Variants in EFCAB6 observed in about 807,000 individuals in gnomAD.
The protein encoded by EFCAB6 is EF-hand calcium-binding domain-containing protein 6.
In EFCAB6, 156 loss-of-function variants were observed where a neutral mutation model predicts 169.8. That is an observed-to-expected ratio of 0.92 (90% CI 0.81 to 1.05). The LOEUF (loss-of-function observed/expected upper bound fraction) is 1.05, where lower values mean the gene tolerates loss of function less well. Ranked by LOEUF, EFCAB6 falls within the 50% of genes least tolerant of loss-of-function variation. EFCAB6 has a pLI of 0.00. For synonymous variants in EFCAB6, 698 were observed against 676.4 expected, an observed-to-expected ratio of 1.03 and a Z score of -0.50; for missense variants, 1,800 against 1,829.1, an observed-to-expected ratio of 0.98 and a Z score of 0.29.
At chr22:43,562,914 T>C (rs2049160534) in intron 26 of EFCAB6, among the ~76,000 whole-genome samples, 1 of 152,132 alleles carries the variant, frequency 6.6e-6, no homozygotes, top group South Asian at 2.1e-4. Context: ...CATGGCCTGC[T>C]GTCTCTATTA....
intron 17 of EFCAB6, among the ~76,000 whole-genome samples, chr22:43,651,856 A>G (rs987303563): frequency 6.6e-6 from 1 of 152,202 alleles, no homozygotes; most frequent in Non-Finnish European, 1.5e-5. Context: ...TGGGGCCTGT[A>G]GCCCATTTGT....
intron 11 of EFCAB6, among the ~76,000 whole-genome samples, chr22:43,684,195 GC>G (rs1247620558): frequency 6.6e-6 from 1 of 152,096 alleles, no homozygotes; most frequent in Non-Finnish European, 1.5e-5. Context: ...GAAGCTGGGA[GC>G]CCCCCCTCCT....
intron 15 of EFCAB6, 54 bp downstream of exon 15, chr22:43,671,919 G>T (rs2057508561): frequency 6.3e-7 from 1 of 1,589,190 alleles, no homozygotes; most frequent in Non-Finnish European, 8.6e-7. Flanking sequence ...TAGAATTATG[G>T]AACAGGCCTG....
intron 8 of EFCAB6, among the ~76,000 whole-genome samples, chr22:43,719,627 A>G (rs1357347161): frequency 1.3e-5 from 2 of 152,240 alleles, no homozygotes; most frequent in African/African-American, 4.8e-5. Flanking sequence ...TTGTTCTTAT[A>G]TAACATATTT....
At chr22:43,682,560 C>T (rs112154560) in intron 12 of EFCAB6, among the ~76,000 whole-genome samples, 250 of 152,282 alleles carry the variant, frequency 1.6e-3, no homozygotes, top group Non-Finnish European at 2.0e-3. Context: ...GCGGCTCAGC[C>T]AGCAGGGTCC....
chr22:43,698,427 C>T (rs941886389), intron 10 of EFCAB6, among the ~76,000 whole-genome samples: 5 of 152,130 alleles, frequency 3.3e-5, no homozygotes, highest in East Asian at 1.9e-4. Context: ...TGTGGAGCCC[C>T]GGGATGCTGT....
At chr22:43,706,861 C>T (rs1195824181) in intron 10 of EFCAB6, among the ~76,000 whole-genome samples, 1 of 152,182 alleles carries the variant, frequency 6.6e-6, no homozygotes, top group Non-Finnish European at 1.5e-5. Flanking sequence ...AGGCCTTTGG[C>T]AACACTGGAC....
At position 43,600,956 on chromosome 22, in the gene EFCAB6, C is replaced by A. The variant is rs532073847; in HGVS notation, c.2682-693G>T. 1.2e-4 allele frequency among the ~76,000 whole-genome samples: 18 copies of A among 152,348 alleles called. 1 individual carries two copies. In the South Asian group the frequency reaches 3.7e-3, roughly 32 times the overall value. On this transcript the variant is annotated intron_variant, in intron 22 of 31. Coordinates refer to ENST00000262726, the MANE Select transcript of EFCAB6 (RefSeq NM_022785.4). ...GGGATTACAGGCGTGAGCTGCCACA[C>A]CTCGCCCGTTCGGCAGTTTTTTAAA...
At chr22:43,611,152 T>C (rs1411361472) in intron 21 of EFCAB6, among the ~76,000 whole-genome samples, 1 of 152,230 alleles carries the variant, frequency 6.6e-6, no homozygotes, top group Admixed American at 6.5e-5. Context: ...GATAATGTCA[T>C]TGATAGTTCA....
At chr22:43,717,176 C>T (rs1008049050) in intron 8 of EFCAB6, among the ~76,000 whole-genome samples, 2 of 152,084 alleles carry the variant, frequency 1.3e-5, no homozygotes, top group Non-Finnish European at 2.9e-5. Context: ...CACTATCTTA[C>T]TCTAGGATAA....
intron 30 of EFCAB6, among the ~76,000 whole-genome samples, chr22:43,531,699 G>C (rs905775082): frequency 6.6e-6 from 1 of 152,046 alleles, no homozygotes; most frequent in African/African-American, 2.4e-5. Flanking sequence ...CATTTGGCAC[G>C]TATGATGTGT....
intron 26 of EFCAB6, among the ~76,000 whole-genome samples, chr22:43,574,241 G>A (rs1157863520): frequency 2.6e-5 from 4 of 151,422 alleles, no homozygotes; most frequent in Non-Finnish European, 5.9e-5. Context: ...ACAATTTAAC[G>A]TTAAGTGAAA....
At chr22:43,620,305 A>G (rs1167982248) in intron 20 of EFCAB6, among the ~76,000 whole-genome samples, 1 of 152,024 alleles carries the variant, frequency 6.6e-6, no homozygotes, top group Non-Finnish European at 1.5e-5. Context: ...TGAGAGAGCT[A>G]GTTAAAAAAA....
chr22:43,736,284 T>G (rs1221069607), intron 6 of EFCAB6, among the ~76,000 whole-genome samples: 2 of 152,194 alleles, frequency 1.3e-5, no homozygotes, highest in South Asian at 2.1e-4. Context: ...TAGGGCCATA[T>G]GAAAAAATCT....
chr22:43,664,752 AGAGCT>A (rs1356705651), intron 17 of EFCAB6, among the ~76,000 whole-genome samples: 1 of 152,194 alleles, frequency 6.6e-6, no homozygotes, highest in Non-Finnish European at 1.5e-5. Context: ...GAGGATGACC[AGAGCT>A]GAGATCAGGG....
At chr22:43,756,209 G>A (rs144123714) in intron 5 of EFCAB6, among the ~76,000 whole-genome samples, 121 of 152,248 alleles carry the variant, frequency 7.9e-4, no homozygotes, top group Middle Eastern at 3.4e-3. Flanking sequence ...GGAGACTGAC[G>A]GGGATCTTAA....
At chr22:43,811,872 G>C (rs933126885) in intron 1 of EFCAB6, among the ~76,000 whole-genome samples, 23 of 152,172 alleles carry the variant, frequency 1.5e-4, no homozygotes, top group African/African-American at 5.6e-4. Flanking sequence ...TTCTCACAGA[G>C]AGGCAGGGAA....
At chr22:43,784,437 G>C (rs982087553) in intron 2 of EFCAB6, among the ~76,000 whole-genome samples, 1 of 148,590 alleles carries the variant, frequency 6.7e-6, no homozygotes, top group Admixed American at 6.7e-5. Context: ...AACTGCTTGA[G>C]GCCAGGAGAT....
intron 22 of EFCAB6, among the ~76,000 whole-genome samples, chr22:43,601,706 G>A (rs1274913219): frequency 2.6e-5 from 4 of 152,248 alleles, no homozygotes; most frequent in African/African-American, 7.2e-5. Flanking sequence ...TCAAGGGGAA[G>A]GGGTGGCAGG....
Sources: allele counts gnomAD v4.1 joint callset (sites outside exome capture counted in the v4.1 genomes callset), GRCh38; gene constraint gnomAD v4.1.1; transcripts MANE v1.5; gene names NCBI Gene and HGNC (gene_info 2026-07-23, HGNC 2026-07-21).